NEDD4L: variants seen among roughly 807,000 people sequenced by gnomAD.
NEDD4L encodes the protein NEDD4 like E3 ubiquitin protein ligase, also known as E3 ubiquitin-protein ligase NEDD4-like.
NEDD4L carries 54 observed loss-of-function variants against 148.9 expected under a neutral mutation model. The ratio of observed to expected loss-of-function variants is 0.36; its 90% CI spans 0.29 to 0.45. The LOEUF (loss-of-function observed/expected upper bound fraction) is 0.45. Ranked by LOEUF, NEDD4L falls within the 20% of genes least tolerant of loss-of-function variation. NEDD4L has a pLI of 1.00. For missense variants in NEDD4L, 856 were observed against 1,233.8 expected (o/e 0.69, Z 4.59); for synonymous variants, 433 against 440.7 (o/e 0.98, Z 0.22).
rs11874572 is a variant in NEDD4L at position 58,125,325 on chromosome 18, A to C, written c.49-40463A>C. Among the ~76,000 whole-genome samples the C allele has an allele frequency of 6.7e-3, 1,017 of 151,580 alleles. 12 individuals are homozygous for C. Among genetic ancestry groups the C allele is most frequent in the African/African-American group, 0.024 (980 of 41,184 alleles). The stretch of plus-strand genomic sequence containing the variant: ...ATGTGTTTCTAAGCCTGGGCTCTTA[A>C]CTGTAACACTGTCCTCTTCCCCCCA... On this transcript the variant is annotated intron_variant, in intron 1 of 30. Transcript: ENST00000400345.
intron 1 of NEDD4L, among the ~76,000 whole-genome samples, chr18:58,078,498 T>C (rs1259466728): frequency 6.6e-6 from 1 of 152,176 alleles, no homozygotes; most frequent in African/African-American, 2.4e-5. Context: ...CTCTCAGTAG[T>C]TGCTCTGTGT....
intron 2 of NEDD4L, among the ~76,000 whole-genome samples, chr18:58,220,412 G>C (rs116796659): frequency 0.032 from 4,584 of 145,106 alleles, 192 homozygotes; most frequent in African/African-American, 0.098. Context: ...AAAAAAAAAA[G>C]ACTGAGAATG....
intron 18 of NEDD4L, among the ~76,000 whole-genome samples, chr18:58,356,700 A>G (rs566611015): frequency 6.6e-6 from 1 of 152,254 alleles, no homozygotes; most frequent in Non-Finnish European, 1.5e-5. Context: ...TGACGCATGT[A>G]ATAGATTATT....
chr18:58,361,357 A>T (rs1375253114), intron 19 of NEDD4L, among the ~76,000 whole-genome samples: 2 of 152,248 alleles, frequency 1.3e-5, no homozygotes, highest in East Asian at 1.9e-4. Flanking sequence ...TGTATAGCAG[A>T]TATCACTAGT....
chr18:58,316,087 T>A, intron 6 of NEDD4L, 55 bp downstream of exon 6: 1 of 1,408,928 alleles, frequency 7.1e-7, no homozygotes, highest in Non-Finnish European at 1.0e-6. Context: ...TTTCTAATTG[T>A]TTGTAGTCAG....
chr18:58,044,589 G>T lies in NEDD4L; in HGVS notation c.-72G>T. 6.6e-7 allele frequency: 1 copy of T among 1,503,766 alleles called. No individual in the cohort carries two copies. Among genetic ancestry groups the T allele is most frequent in the Admixed American group, 2.1e-5 (1 of 46,746 alleles). 93.2% of individuals were successfully genotyped at this position (1,503,766 alleles called of 1,614,324 possible). ...GGACCGGGGGGACCTGGAGGCAGAG[G>T]GGAGAACCGGCCGTCCGCGCCGCAG... On this transcript the variant is annotated 5_prime_UTR_variant, in exon 1 of 31. Coordinates refer to ENST00000400345, the MANE Select transcript of NEDD4L (RefSeq NM_001144967.3).
chr18:58,194,652 T>A (rs1308824296), intron 2 of NEDD4L, among the ~76,000 whole-genome samples: 3 of 152,120 alleles, frequency 2.0e-5, no homozygotes, highest in African/African-American at 7.2e-5. Flanking sequence ...TTGACCGTTG[T>A]ATGCAAAAAT....
At chr18:58,194,622 G>A (rs2040463215) in intron 2 of NEDD4L, among the ~76,000 whole-genome samples, 1 of 152,134 alleles carries the variant, frequency 6.6e-6, no homozygotes, top group African/African-American at 2.4e-5. Context: ...TTGGGCTGTG[G>A]GGTCATGGGA....
intron 5 of NEDD4L, among the ~76,000 whole-genome samples, chr18:58,302,218 T>C (rs1380984805): frequency 1.3e-5 from 2 of 152,212 alleles, no homozygotes; most frequent in African/African-American, 2.4e-5. Flanking sequence ...GGTGAATAGC[T>C]TCCCACTAGA....
rs577848172 is a variant in NEDD4L, at chr18:58,356,298, T to G, written c.1709-896T>G. On this transcript the variant is annotated intron_variant, in intron 18 of 30. Coordinates refer to ENST00000400345, the MANE Select transcript of NEDD4L (RefSeq NM_001144967.3). Reference sequence around the variant, plus strand: ...AATAATTTTCTTCTTCTTTTTTTTTTTTTTTGTTTTTTACTAACCTAGATA... The same window carrying G: ...AATAATTTTCTTCTTCTTTTTTTTTGTTTTTGTTTTTTACTAACCTAGATA... Among the ~76,000 whole-genome samples the G allele has an allele frequency of 2.0e-5, 3 of 151,882 alleles. No individual in the cohort carries two copies. The South Asian group carries it at 6.3e-4, about 32-fold the overall frequency.
At chr18:58,264,972 C>T (rs1030474412) in intron 5 of NEDD4L, among the ~76,000 whole-genome samples, 6 of 152,056 alleles carry the variant, frequency 3.9e-5, no homozygotes, top group Non-Finnish European at 7.4e-5. Flanking sequence ...CTTTCAGTTT[C>T]ACAAACAGAT....
chr18:58,083,819 A>G (rs1468099302), intron 1 of NEDD4L, among the ~76,000 whole-genome samples: 1 of 152,252 alleles, frequency 6.6e-6, no homozygotes, highest in Non-Finnish European at 1.5e-5. Flanking sequence ...GGAGTGAAAC[A>G]TTCATACATG....
At position 58,366,897 on chromosome 18, in the gene NEDD4L, G is replaced by A. The variant is rs540592784; in HGVS notation, c.2063+669G>A. Among the ~76,000 whole-genome samples, 7 of 152,318 alleles carry A rather than the reference G, an allele frequency of 4.6e-5. No individual in the cohort carries two copies. In the East Asian group the frequency reaches 1.2e-3, roughly 25 times the overall value. ...CTCCAGCCCTGGGCTCTAAGGGGACGTGGGTTCCCCCACATCTCCCACCTG... is the reference window on the plus strand; with the variant it reads ...CTCCAGCCCTGGGCTCTAAGGGGACATGGGTTCCCCCACATCTCCCACCTG... On this transcript the variant is annotated intron_variant, in intron 21 of 30. Coordinates refer to ENST00000400345, the MANE Select transcript of NEDD4L (RefSeq NM_001144967.3). The surrounding 1 kb of genome is among the most constrained non-coding windows in gnomAD (Gnocchi z 4.2).
At chr18:58,146,273 A>C (rs2034088927) in intron 1 of NEDD4L, among the ~76,000 whole-genome samples, 1 of 152,130 alleles carries the variant, frequency 6.6e-6, no homozygotes, top group African/African-American at 2.4e-5. Context: ...TCTAGAGATG[A>C]GGTGGTGCGT....
chr18:58,176,277 T>G (rs1312366288), intron 2 of NEDD4L, among the ~76,000 whole-genome samples: 1 of 152,152 alleles, frequency 6.6e-6, no homozygotes, highest in Middle Eastern at 3.4e-3. Flanking sequence ...TCTGTCGTCC[T>G]CTCTCTCTCC....
At chr18:58,086,936 G>A (rs1378275636) in intron 1 of NEDD4L, among the ~76,000 whole-genome samples, 3 of 152,122 alleles carry the variant, frequency 2.0e-5, no homozygotes, top group Admixed American at 2.0e-4. Context: ...CTGTTTCTGT[G>A]CCTTTCAATC....
At chr18:58,206,927 G>A (rs79039291) in intron 2 of NEDD4L, among the ~76,000 whole-genome samples, 8,062 of 152,236 alleles carry the variant, frequency 0.053, 296 homozygotes, top group Middle Eastern at 0.092. Context: ...AATAAGGGAC[G>A]ATCCAAAGGC....
intron 5 of NEDD4L, among the ~76,000 whole-genome samples, chr18:58,263,116 C>T (rs1024044304): frequency 7.2e-5 from 11 of 152,160 alleles, no homozygotes; most frequent in African/African-American, 2.7e-4. Context: ...TGATTTGACT[C>T]GTTGCTACAC....
At chr18:58,201,538 A>G (rs2041406224) in intron 2 of NEDD4L, among the ~76,000 whole-genome samples, 1 of 152,188 alleles carries the variant, frequency 6.6e-6, no homozygotes, top group African/African-American at 2.4e-5. Flanking sequence ...AGCATATACC[A>G]TCAGGGATGA....
Sources: gnomAD v4.1 joint callset for allele counts (sites outside exome capture counted in the v4.1 genomes callset) on GRCh38, gnomAD v4.1.1 for gene constraint, Gnocchi (gnomAD v3.1) non-coding constraint, MANE v1.5 for transcripts, NCBI Gene and HGNC (gene_info 2026-07-23, HGNC 2026-07-21) for gene names.